The following LRRC7 variants were observed in gnomAD, a reference collection of about 807,000 sequenced individuals.
The protein encoded by LRRC7 is leucine rich repeat containing 7.
Under a neutral mutation model 175.7 loss-of-function variants are expected in LRRC7, and 23 were observed. The observed-to-expected ratio is 0.13, with a 90% confidence interval of 0.09 to 0.19. LRRC7 has a LOEUF of 0.19. Among genes scored for constraint, LRRC7 ranks in the 10% least tolerant of loss-of-function variants. The pLI is 1.00. For missense variants in LRRC7, 1,354 were observed against 1,904.7 expected, an observed-to-expected ratio of 0.71 and a Z score of 5.38; for synonymous variants, 685 against 680.9, an observed-to-expected ratio of 1.01 and a Z score of -0.09.
At chr1:69,691,808 A>C in intron 2 of LRRC7, among the ~76,000 whole-genome samples, 1 of 150,518 alleles carries the variant, frequency 6.6e-6, no homozygotes, top group Non-Finnish European at 1.5e-5. Flanking sequence ...AAAAAAAAAA[A>C]AAAAAAAAAA....
intron 21 of LRRC7, among the ~76,000 whole-genome samples, chr1:70,043,716 T>C (rs1407913604): frequency 6.6e-6 from 1 of 152,228 alleles, no homozygotes; most frequent in Non-Finnish European, 1.5e-5. Context: ...GCAGCAGATG[T>C]AAAACAGAAT....
intron 1 of LRRC7, among the ~76,000 whole-genome samples, chr1:69,616,881 C>T (rs967943648): frequency 2.0e-5 from 3 of 152,034 alleles, no homozygotes; most frequent in African/African-American, 7.2e-5. Flanking sequence ...ACCAATCAAA[C>T]TTCAATGTTT....
At chr1:69,945,842 A>G (rs1050322514) in intron 8 of LRRC7, among the ~76,000 whole-genome samples, 1 of 152,118 alleles carries the variant, frequency 6.6e-6, no homozygotes, top group Non-Finnish European at 1.5e-5. Flanking sequence ...TTTGTATCCC[A>G]CAACTTTACT....
At chr1:69,776,149 G>T (rs955562430) in intron 3 of LRRC7, among the ~76,000 whole-genome samples, 1 of 152,098 alleles carries the variant, frequency 6.6e-6, no homozygotes, top group South Asian at 2.1e-4. Flanking sequence ...ATGTAAACTG[G>T]AGAATATAGC....
intron 4 of LRRC7, among the ~76,000 whole-genome samples, chr1:69,800,829 C>T (rs1676392095): frequency 6.6e-6 from 1 of 151,758 alleles, no homozygotes; most frequent in Admixed American, 6.6e-5. Flanking sequence ...ACAGGGATTG[C>T]TTTCAGCTAC....
intron 11 of LRRC7, among the ~76,000 whole-genome samples, chr1:69,998,675 A>G (rs1455591724): frequency 6.6e-6 from 1 of 152,174 alleles, no homozygotes; most frequent in Admixed American, 6.5e-5. Context: ...TCTTATGTTC[A>G]TATTTCTTAT....
chr1:69,625,479 C>A (rs1651349553), intron 1 of LRRC7, among the ~76,000 whole-genome samples: 2 of 150,098 alleles, frequency 1.3e-5, no homozygotes, highest in African/African-American at 4.9e-5. Flanking sequence ...TTAATTTATT[C>A]TATTAAGTTT....
chr1:70,019,536 C>A (rs1013411979), intron 15 of LRRC7, among the ~76,000 whole-genome samples: 1 of 151,856 alleles, frequency 6.6e-6, no homozygotes, highest in Non-Finnish European at 1.5e-5. Flanking sequence ...TTATTTTAAT[C>A]CAGCCATGGA....
At chr1:69,799,750 T>C (rs148967018) in intron 4 of LRRC7, among the ~76,000 whole-genome samples, 114 of 152,250 alleles carry the variant, frequency 7.5e-4, no homozygotes, top group African/African-American at 2.6e-3. Context: ...TCAATGTCTC[T>C]TTTTGGTTTT....
intron 1 of LRRC7, among the ~76,000 whole-genome samples, chr1:69,584,158 G>A (rs1646312007): frequency 6.6e-6 from 1 of 152,024 alleles, no homozygotes; most frequent in East Asian, 1.9e-4. Context: ...GTGAACTCCA[G>A]GCTGATCAGC....
At chr1:69,685,453 A>G (rs1237851866) in intron 2 of LRRC7, among the ~76,000 whole-genome samples, 1 of 152,144 alleles carries the variant, frequency 6.6e-6, no homozygotes, top group Non-Finnish European at 1.5e-5. Context: ...CATCATAAGA[A>G]TGCTTCAGGA....
intron 3 of LRRC7, among the ~76,000 whole-genome samples, chr1:69,765,169 C>T (rs556225294): frequency 2.0e-5 from 3 of 152,158 alleles, no homozygotes; most frequent in Admixed American, 2.0e-4. Context: ...TTAGAAGCAA[C>T]CCTGGAGATT....
chr1:69,978,280 C>T (rs184839005), intron 8 of LRRC7, among the ~76,000 whole-genome samples: 20 of 121,584 alleles, frequency 1.6e-4, no homozygotes, highest in Admixed American at 1.1e-4. Context: ...GAGACTCCGT[C>T]GTCTGCGAGG....
At chr1:69,609,149 G>C (rs1453454098) in intron 1 of LRRC7, among the ~76,000 whole-genome samples, 2 of 151,580 alleles carry the variant, frequency 1.3e-5, no homozygotes, top group Non-Finnish European at 2.9e-5. Flanking sequence ...AGAACAGAGG[G>C]AGACTATGGA....
intron 1 of LRRC7, among the ~76,000 whole-genome samples, chr1:69,574,646 C>A (rs933747484): frequency 3.3e-5 from 5 of 152,174 alleles, no homozygotes; most frequent in South Asian, 2.1e-4. Flanking sequence ...TTAAAAATTG[C>A]AAATAATAGA....
At chr1:69,764,794 T>C (rs11806773) in intron 3 of LRRC7, among the ~76,000 whole-genome samples, 23,232 of 142,126 alleles carry the variant, frequency 0.16, 2,044 homozygotes, top group East Asian at 0.31. Context: ...GACAGACAGA[T>C]AGATAACTGG....
rs143023738 is a variant in LRRC7 at position 70,032,908 on chromosome 1, G to A, written c.1996-3213G>A. Among the ~76,000 whole-genome samples, 289 of 152,172 alleles carry A rather than the reference G, an allele frequency of 1.9e-3. 1 individual carries two copies. Among genetic ancestry groups the A allele is most frequent in the African/African-American group, 6.1e-3 (253 of 41,512 alleles). Reference sequence around the variant, plus strand: ...TGTCTCCTCACCAGAAAGAAAATATGGTTCAATGTACTTACAATGGAATCC... The same window carrying A: ...TGTCTCCTCACCAGAAAGAAAATATAGTTCAATGTACTTACAATGGAATCC... On this transcript the variant is annotated intron_variant, in intron 18 of 26. Coordinates refer to ENST00000651989, the MANE Select transcript of LRRC7 (RefSeq NM_001370785.2).
Position 70,136,215 on chromosome 1 carries a change from G to A in LRRC7, c.*14328G>A, listed in dbSNP as rs1666866850. Reference sequence around the variant, plus strand: ...GTCATCATAAACTACTCAAAGTGAAGGGACTATATTTTCTTCTTTTGCTTG... The same window carrying A: ...GTCATCATAAACTACTCAAAGTGAAAGGACTATATTTTCTTCTTTTGCTTG... On this transcript the variant is annotated 3_prime_UTR_variant, in exon 27 of 27. Transcript: ENST00000651989. 6.6e-6 allele frequency among the ~76,000 whole-genome samples: 1 copy of A among 151,524 alleles called. No homozygotes were observed. Among genetic ancestry groups the A allele is most frequent in the Admixed American group, 6.6e-5 (1 of 15,202 alleles).
chr1:69,888,807 A>C (rs12759109), intron 7 of LRRC7, among the ~76,000 whole-genome samples: 61,998 of 151,952 alleles, frequency 0.41, 13,515 homozygotes, highest in East Asian at 0.55. Context: ...AGCCCAAAGG[A>C]GACAAACTTG....
Sources: gnomAD v4.1 joint callset for allele counts (sites outside exome capture counted in the v4.1 genomes callset) on GRCh38, gnomAD v4.1.1 for gene constraint, MANE v1.5 for transcripts, NCBI Gene and HGNC (gene_info 2026-07-23, HGNC 2026-07-21) for gene names.